Variants in PPFIA2 observed in about 807,000 individuals in gnomAD.
PPFIA2 encodes the protein PPFI scaffold protein A2.
PPFIA2 carries 46 observed loss-of-function variants against 175.5 expected under a neutral mutation model. That is an observed-to-expected ratio of 0.26 (90% CI 0.21 to 0.34). PPFIA2 has a LOEUF of 0.34. Ranked by LOEUF, PPFIA2 falls within the 10% of genes least tolerant of loss-of-function variation. PPFIA2 has a pLI of 1.00. For missense variants in PPFIA2, 1,179 were observed against 1,506.1 expected (o/e 0.78, Z 3.60); for synonymous variants, 568 against 511.4 (o/e 1.11, Z -1.49).
At chr12:81,402,777 C>A (rs182722302) in intron 8 of PPFIA2, among the ~76,000 whole-genome samples, 1 of 152,066 alleles carries the variant, frequency 6.6e-6, no homozygotes, top group Non-Finnish European at 1.5e-5. Flanking sequence ...TTGCTTGAGC[C>A]CAGGAGAAGG....
rs1473899177 is a variant in PPFIA2, at chr12:81,299,316, C to G, written c.2709G>C (p.Val903=). The change falls in exon 23 of 33, where the codon GTG becomes GTC. Residue 903 remains valine (V), a synonymous_variant. Coordinates refer to ENST00000549396, the MANE Select transcript of PPFIA2 (RefSeq NM_003625.5). ...LPFAQWDGPT[V]VAWLELWLGM... ...ATTCTCTTACCTCTAGCCATGCGAC[C>G]ACAGTTGGCCCATCCCACTGGGCAA... is the stretch of plus-strand genomic sequence containing the variant. The G allele has an allele frequency of 6.9e-6, 11 of 1,595,272 alleles. No individual in the cohort carries two copies. In the East Asian group the frequency reaches 1.8e-4, roughly 26 times the overall value.
chr12:81,469,891 A>G (rs2056428063), intron 4 of PPFIA2, among the ~76,000 whole-genome samples: 1 of 152,166 alleles, frequency 6.6e-6, no homozygotes, highest in African/African-American at 2.4e-5. Flanking sequence ...AGAGGAAGGG[A>G]CACCAGAGCT....
chr12:81,703,934 T>C (rs1287304659), intron 3 of PPFIA2, among the ~76,000 whole-genome samples: 2 of 152,208 alleles, frequency 1.3e-5, no homozygotes, highest in Non-Finnish European at 2.9e-5. Context: ...TTCAAGTATC[T>C]TGATTTGACT....
intron 14 of PPFIA2, 118 bp downstream of exon 14, chr12:81,366,990 T>C (rs2033670370): frequency 8.7e-7 from 1 of 1,149,310 alleles, no homozygotes. Context: ...GTTAAAATTG[T>C]TTTACAAAGA....
chr12:81,459,278 C>A (rs1443199926), intron 4 of PPFIA2, among the ~76,000 whole-genome samples: 2 of 152,024 alleles, frequency 1.3e-5, no homozygotes, highest in East Asian at 1.9e-4. Context: ...AAATAGAAAA[C>A]AATAAACCTT....
chr12:81,278,026 T>C (rs1379715482), intron 27 of PPFIA2, among the ~76,000 whole-genome samples: 1 of 151,956 alleles, frequency 6.6e-6, no homozygotes, highest in East Asian at 1.9e-4. Flanking sequence ...CTCAGGAAAA[T>C]GGAGCATCAT....
At chr12:81,370,900 C>A (rs1174511892) in intron 11 of PPFIA2, among the ~76,000 whole-genome samples, 1 of 151,810 alleles carries the variant, frequency 6.6e-6, no homozygotes, top group Non-Finnish European at 1.5e-5. Flanking sequence ...TAAGCTCATT[C>A]TAAAACAGTG....
At chr12:81,294,324 C>A (rs1405570991) in intron 24 of PPFIA2, among the ~76,000 whole-genome samples, 2 of 152,026 alleles carry the variant, frequency 1.3e-5, no homozygotes, top group Admixed American at 6.6e-5. Context: ...AAAATGTAGT[C>A]ACTTAAGCCT....
intron 4 of PPFIA2, among the ~76,000 whole-genome samples, chr12:81,666,719 A>G (rs576055033): frequency 6.6e-6 from 1 of 152,126 alleles, no homozygotes; most frequent in Non-Finnish European, 1.5e-5. Flanking sequence ...TATGTAACTA[A>G]CCTGCACGTT....
intron 3 of PPFIA2, among the ~76,000 whole-genome samples, chr12:81,718,970 T>C (rs955308161): frequency 6.6e-6 from 1 of 151,694 alleles, no homozygotes; most frequent in Non-Finnish European, 1.5e-5. Context: ...ACTGCCAAGA[T>C]GACTATAGCT....
intron 4 of PPFIA2, among the ~76,000 whole-genome samples, chr12:81,531,874 A>T (rs2064621689): frequency 6.6e-6 from 1 of 151,846 alleles, no homozygotes; most frequent in South Asian, 2.1e-4. Flanking sequence ...GGACAGTAGA[A>T]TCTGAAAATG....
At chr12:81,722,379 A>T (rs2079471494) in intron 3 of PPFIA2, among the ~76,000 whole-genome samples, 1 of 151,196 alleles carries the variant, frequency 6.6e-6, no homozygotes, top group Non-Finnish European at 1.5e-5. Context: ...ACTGTCCATC[A>T]AGTCATATAT....
intron 4 of PPFIA2, among the ~76,000 whole-genome samples, chr12:81,483,772 G>T (rs928919709): frequency 6.6e-6 from 1 of 151,834 alleles, no homozygotes; most frequent in African/African-American, 2.4e-5. Context: ...TTCATAGAAG[G>T]TTCTATTTCT....
At chr12:81,684,866 G>A (rs1425739450) in intron 3 of PPFIA2, among the ~76,000 whole-genome samples, 3 of 151,950 alleles carry the variant, frequency 2.0e-5, no homozygotes, top group African/African-American at 2.4e-5. Context: ...GGTTTCTAGT[G>A]CATCAGAAGG....
intron 32 of PPFIA2, chr12:81,260,077 A>G (rs1182291278): frequency 6.4e-6 from 1 of 155,318 alleles, no homozygotes; most frequent in Non-Finnish European, 1.4e-5. Flanking sequence ...CATAACGATA[A>G]TAAGTCACCT....
At chr12:81,439,448 G>C (rs1194618706) in intron 7 of PPFIA2, among the ~76,000 whole-genome samples, 1 of 151,884 alleles carries the variant, frequency 6.6e-6, no homozygotes, top group Non-Finnish European at 1.5e-5. Context: ...ATCTTCCGAA[G>C]ATAAAATAAC....
At chr12:81,611,940 C>T (rs1012737248) in intron 4 of PPFIA2, among the ~76,000 whole-genome samples, 1 of 152,152 alleles carries the variant, frequency 6.6e-6, no homozygotes, top group African/African-American at 2.4e-5. Flanking sequence ...CCCTCACTCA[C>T]CCCTCTCCCA....
At chr12:81,567,541 C>A (rs925428462) in intron 4 of PPFIA2, among the ~76,000 whole-genome samples, 1 of 152,130 alleles carries the variant, frequency 6.6e-6, no homozygotes, top group African/African-American at 2.4e-5. Flanking sequence ...AAACTCCTGA[C>A]TCCAGTGAGA....
chr12:81,260,637 T>A (rs1353827972), intron 32 of PPFIA2: 1 of 152,156 alleles, frequency 6.6e-6, no homozygotes, highest in African/African-American at 2.4e-5. Flanking sequence ...TGCTTTTCAT[T>A]TTATCAGCTT....
Sources: allele counts gnomAD v4.1 joint callset (sites outside exome capture counted in the v4.1 genomes callset), GRCh38; gene constraint gnomAD v4.1.1; transcripts MANE v1.5; gene names NCBI Gene and HGNC (gene_info 2026-07-23, HGNC 2026-07-21).